Variants in SYNE2 observed in about 807,000 individuals in gnomAD.
The protein encoded by SYNE2 is spectrin repeat containing nuclear envelope protein 2, also known as nesprin-2.
Under a neutral mutation model 856.3 loss-of-function variants are expected in SYNE2, and 431 were observed. The ratio of observed to expected loss-of-function variants is 0.50; its 90% confidence interval spans 0.47 to 0.55. SYNE2 has a LOEUF of 0.55. Ranked by LOEUF, SYNE2 falls within the 20% of genes least tolerant of loss-of-function variation. The probability of loss-of-function intolerance (pLI) is 0.00; values close to 1 mark genes in which losing one functional copy is unlikely to be tolerated. For synonymous variants in SYNE2, 2,923 were observed against 2,872.3 expected (o/e 1.02, Z -0.56); for missense variants, 8,129 against 8,023.2 (o/e 1.01, Z -0.50).
At chr14:64,179,840 G>A (rs2098450191) in intron 96 of SYNE2, among the ~76,000 whole-genome samples, 1 of 151,944 alleles carries the variant, frequency 6.6e-6, no homozygotes, top group South Asian at 2.1e-4. Flanking sequence ...CTGTTTTTCT[G>A]CGTTTTCCTT....
At chr14:63,873,545 A>C (rs1186405849) in intron 1 of SYNE2, 1 of 151,962 alleles carries the variant, frequency 6.6e-6, no homozygotes, top group East Asian at 1.9e-4. Context: ...ACAGGCGCCC[A>C]ACACCACGCC....
chr14:64,214,609 C>T (rs2098657109), intron 106 of SYNE2, 139 bp downstream of exon 106: 3 of 794,730 alleles, frequency 3.8e-6, no homozygotes, highest in Admixed American at 2.4e-5. Context: ...TGTGCTCTAT[C>T]CTGCCCATCT....
chr14:64,216,302 C>T lies in SYNE2; in HGVS notation c.19457C>T (p.Pro6486Leu). ...SWHVPDSPSCPEHHYKQMEGD... is the reference protein window; with the variant it reads ...SWHVPDSPSCLEHHYKQMEGD... ...CATGTTCCCGACAGCCCTTCCTGTC[C>T]CGAGCATCACTACAAGCAAATGGAA... Residue 6486 changes from proline (P) to leucine (L), a missense_variant, in exon 108 of 116, where the codon CCC becomes CTC. This residue lies in a region of SYNE2 where 5,410 missense variants were observed against 5,284.8 expected (regional missense o/e 1.02). Transcript: ENST00000555002. 6.2e-7 allele frequency: 1 copy of T among 1,614,158 alleles called. No individual in the cohort carries two copies. The highest frequency in any genetic ancestry group is 8.5e-7 in the Non-Finnish European group (1 of 1,180,028).
chr14:64,141,647 A>G lies in SYNE2; in HGVS notation c.15159+124A>G, dbSNP rs1398065624. 4 of 1,096,236 alleles carry G rather than the reference A, an allele frequency of 3.6e-6. No individual in the cohort carries two copies. The South Asian group carries it at 5.6e-5, about 15-fold the overall frequency. 67.9% of individuals were successfully genotyped at this position (1,096,236 alleles called of 1,614,324 possible). On this transcript the variant is annotated intron_variant, in intron 81 of 115. Coordinates refer to ENST00000555002, the MANE Select transcript of SYNE2 (RefSeq NM_182914.3). ...ACCTATTTTTCTCTGGCACCACTGAATATAAGTCTTAATTACTGGACCCTC... is the reference window on the plus strand; with the variant it reads ...ACCTATTTTTCTCTGGCACCACTGAGTATAAGTCTTAATTACTGGACCCTC...
At chr14:63,973,561 G>A (rs1334693920) in intron 11 of SYNE2, among the ~76,000 whole-genome samples, 1 of 150,622 alleles carries the variant, frequency 6.6e-6, no homozygotes, top group Admixed American at 6.6e-5. Context: ...GAACCTGGGA[G>A]GTGGAGGTTG....
chr14:63,991,795 A>G (rs181460263), intron 21 of SYNE2, among the ~76,000 whole-genome samples: 2 of 152,270 alleles, frequency 1.3e-5, no homozygotes, highest in Non-Finnish European at 2.9e-5. Context: ...CATATTCAGC[A>G]TTTAGCACAC....
At chr14:64,122,868 TG>T (rs1325537427) in intron 70 of SYNE2, among the ~76,000 whole-genome samples, 5 of 152,096 alleles carry the variant, frequency 3.3e-5, no homozygotes, top group African/African-American at 1.2e-4. Context: ...TTTGGGAGGC[TG>T]AGGCAGGTGG....
At chr14:63,995,022 A>G in intron 22 of SYNE2, 22 bp from the exon 23 acceptor site, 1 of 1,445,500 alleles carries the variant, frequency 6.9e-7, no homozygotes, top group Non-Finnish European at 9.5e-7. Flanking sequence ...TGGTTAATAT[A>G]TTCCTTTGAT....
At chr14:64,161,954 A>T in intron 87 of SYNE2, 118 bp from the exon 88 acceptor site, 1 of 1,093,610 alleles carries the variant, frequency 9.1e-7, no homozygotes, top group Non-Finnish European at 1.4e-6. Context: ...AAAACCATTT[A>T]ACAGTGTCTT....
At position 63,940,587 on chromosome 14, in the gene SYNE2, T is replaced by C. The variant is rs746596980; in HGVS notation, c.80-27T>C. The C allele has an allele frequency of 1.9e-6, 3 of 1,612,790 alleles. No homozygotes were observed. In the Admixed American group the frequency reaches 5.0e-5, roughly 27 times the overall value. On this transcript the variant is annotated intron_variant, in intron 2 of 115. Transcript: ENST00000555002. The stretch of plus-strand genomic sequence containing the variant: ...GAGGTTTCTGAGGCTTCTGGTTTTA[T>C]AACTGCTGTTGTTCTTTCTTTGATA...
At chr14:64,089,440 G>A in intron 58 of SYNE2, 134 bp from the exon 59 acceptor site, 1 of 594,570 alleles carries the variant, frequency 1.7e-6, no homozygotes, top group Non-Finnish European at 2.9e-6. Context: ...TATAGTGCTT[G>A]GTTAGTTTTT....
intron 45 of SYNE2, among the ~76,000 whole-genome samples, chr14:64,038,068 T>G (rs868387106): frequency 0.053 from 7,108 of 134,654 alleles, 26 homozygotes; most frequent in Non-Finnish European, 0.078. Context: ...AGGCGGAGGG[T>G]CTCCTCACTT....
chr14:64,111,503 T>A (rs560600505), intron 65 of SYNE2, among the ~76,000 whole-genome samples: 214 of 150,630 alleles, frequency 1.4e-3, no homozygotes, highest in South Asian at 2.7e-3. Context: ...TTGCTTTTTT[T>A]AAAAAAAAAT....
rs746382356 is a variant in SYNE2, at chr14:64,089,845, G to A, written c.11793+149G>A. 601 of 640,242 alleles carry A rather than the reference G, an allele frequency of 9.4e-4. 2 individuals are homozygous for A. Among genetic ancestry groups the A allele is most frequent in the Non-Finnish European group, 2.0e-4 (76 of 376,316 alleles). 39.7% of individuals were successfully genotyped at this position (640,242 alleles called of 1,614,324 possible). ...GAAATTGATGGGAATAACTATAACTGTATATTTAAATCGTAGTTGTAGTAC... is the reference window on the plus strand; with the variant it reads ...GAAATTGATGGGAATAACTATAACTATATATTTAAATCGTAGTTGTAGTAC... On this transcript the variant is annotated intron_variant, in intron 59 of 115. Transcript: ENST00000555002.
chr14:64,174,547 T>TA (rs1347572454), intron 94 of SYNE2, among the ~76,000 whole-genome samples: 1 of 152,266 alleles, frequency 6.6e-6, no homozygotes, highest in Admixed American at 6.5e-5. Context: ...TCTTTCCTTT[T>TA]ACATTTGTTT....
At chr14:64,014,000 T>C (rs61984113) in intron 32 of SYNE2, among the ~76,000 whole-genome samples, 11 of 152,060 alleles carry the variant, frequency 7.2e-5, no homozygotes, top group Non-Finnish European at 1.2e-4. Context: ...CCCCATCCAC[T>C]TCCCTCCTCC....
chr14:64,027,363 T>C (rs1235701568), intron 42 of SYNE2, 121 bp from the exon 43 acceptor site: 2 of 639,358 alleles, frequency 3.1e-6, no homozygotes, highest in Non-Finnish European at 5.3e-6. Flanking sequence ...AAAGAGTCTC[T>C]GGGAACAATG....
At chr14:64,080,275 G>A (rs2097509699) in intron 55 of SYNE2, among the ~76,000 whole-genome samples, 181 bp from the exon 56 acceptor site, 1 of 152,128 alleles carries the variant, frequency 6.6e-6, no homozygotes, top group Non-Finnish European at 1.5e-5. Context: ...GGAGAGCTCA[G>A]GAAAAGTGTT....
intron 1 of SYNE2, among the ~76,000 whole-genome samples, chr14:63,864,804 C>T (rs1206610244): frequency 6.6e-6 from 1 of 151,894 alleles, no homozygotes; most frequent in African/African-American, 2.4e-5. Context: ...CTGTTTATGC[C>T]CCTGGACTAG....
Sources: allele counts gnomAD v4.1 joint callset (sites outside exome capture counted in the v4.1 genomes callset), GRCh38; gene constraint gnomAD v4.1.1; regional missense constraint gnomAD v4.1.1; transcripts MANE v1.5; gene names NCBI Gene and HGNC (gene_info 2026-07-23, HGNC 2026-07-21).